EDEM3: variants seen among roughly 807,000 people sequenced by gnomAD.
EDEM3 encodes the protein ER degradation-enhancing alpha-mannosidase-like protein 3.
In EDEM3, 60 loss-of-function variants were observed where a neutral mutation model predicts 110.2. The observed-to-expected ratio is 0.54, with a 90% CI of 0.44 to 0.67. The LOEUF is 0.67. EDEM3 is among the 30% of genes least tolerant of loss of function. EDEM3 has a pLI of 0.00. For synonymous variants in EDEM3, 352 were observed against 382.9 expected, an observed-to-expected ratio of 0.92 and a Z score of 0.94; for missense variants, 996 against 1,121.0, an observed-to-expected ratio of 0.89 and a Z score of 1.59.
chr1:184,699,283 A>G (rs1649488115), intron 19 of EDEM3, among the ~76,000 whole-genome samples: 1 of 151,854 alleles, frequency 6.6e-6, no homozygotes, highest in Admixed American at 6.6e-5. Flanking sequence ...CTATCATAGT[A>G]GAACTGTATT....
intron 19 of EDEM3, among the ~76,000 whole-genome samples, chr1:184,697,193 C>T (rs746295114): frequency 2.0e-5 from 3 of 151,674 alleles, no homozygotes; most frequent in African/African-American, 7.3e-5. Flanking sequence ...ATAAGACCCA[C>T]GTTGCTTAAA....
At position 184,737,073 on chromosome 1, in the gene EDEM3, C is replaced by T; in HGVS notation, c.306-9G>A. 1 of 1,554,548 alleles carries T rather than the reference C, an allele frequency of 6.4e-7. No homozygotes were observed. The highest frequency in any genetic ancestry group is 1.1e-5 in the South Asian group (1 of 89,016). On this transcript the variant is annotated splice_polypyrimidine_tract_variant and intron_variant, in intron 3 of 19. Transcript: ENST00000318130. ...TCAGTGTCAGAGAAAATCTAAGAAA[C>T]AAGCGTTAACAAGATATAAAACATT...
In EDEM3 at chr1:184,754,760, A is replaced by G; in HGVS notation, c.-114T>C. 1.4e-6 allele frequency: 2 copies of G among 1,386,802 alleles called. No homozygotes were observed. Among genetic ancestry groups the G allele is most frequent in the Non-Finnish European group, 1.9e-6 (2 of 1,073,602 alleles). The allele number at this position is 1,386,802 out of a possible 1,614,324, so 85.9% of individuals were successfully genotyped here. A position where few individuals can be genotyped will look rare whatever the true frequency, so the allele number is the denominator to read the frequency against. ...GCCGAGACGGGGCGGGATGCGGAGT[A>G]ACACGGACGGCCGCCGGCGCCAAAC... On this transcript the variant is annotated 5_prime_UTR_variant, in exon 1 of 20. Coordinates refer to ENST00000318130, the MANE Select transcript of EDEM3 (RefSeq NM_025191.4).
At chr1:184,745,832 T>C (rs551820340) in intron 2 of EDEM3, among the ~76,000 whole-genome samples, 1 of 152,318 alleles carries the variant, frequency 6.6e-6, no homozygotes, top group East Asian at 1.9e-4. Flanking sequence ...TAGTTTTTGC[T>C]TGTAACAGTT....
In EDEM3 at chr1:184,719,492, T is replaced by G; in HGVS notation, c.1028A>C (p.Asn343Thr). 1 of 1,614,022 alleles carries G rather than the reference T, an allele frequency of 6.2e-7. No homozygotes were observed. The highest frequency in any genetic ancestry group is 8.5e-7 in the Non-Finnish European group (1 of 1,179,984). The change falls in exon 10 of 20, where the codon AAT becomes ACT. Residue 343 changes from asparagine (N) to threonine (T), a missense_variant. By Grantham distance (65) the Asn-to-Thr change is moderately conservative (BLOSUM62 0). Transcript: ENST00000318130. ...LDVHIHKPML[N>T]ARTWMDALLA... is the part of the protein sequence containing the mutation. Reference sequence around the variant, plus strand: ...CAAAGCATCCATCCAAGTCCGAGCATTCAGCATTGGTTTGTGGATATGCAC... The same window carrying G: ...CAAAGCATCCATCCAAGTCCGAGCAGTCAGCATTGGTTTGTGGATATGCAC...
chr1:184,718,700 G>A (rs1203891021), intron 11 of EDEM3, among the ~76,000 whole-genome samples: 1 of 152,164 alleles, frequency 6.6e-6, no homozygotes, highest in Non-Finnish European at 1.5e-5. Flanking sequence ...CAATCAGCAT[G>A]AGGAAGAGAT....
chr1:184,749,421 C>A, intron 2 of EDEM3, 126 bp downstream of exon 2: 1 of 720,606 alleles, frequency 1.4e-6, no homozygotes, highest in Non-Finnish European at 2.3e-6. Context: ...CTATTTTTGC[C>A]CTGTTTTTTA....
At chr1:184,744,051 A>C (rs1255309974) in intron 2 of EDEM3, among the ~76,000 whole-genome samples, 3 of 151,648 alleles carry the variant, frequency 2.0e-5, no homozygotes, top group Non-Finnish European at 4.4e-5. Context: ...AGGCTATAAA[A>C]GGCATGAATC....
At chr1:184,749,249 T>C (rs1652615546) in intron 2 of EDEM3, among the ~76,000 whole-genome samples, 1 of 152,120 alleles carries the variant, frequency 6.6e-6, no homozygotes, top group Non-Finnish European at 1.5e-5. Context: ...AGAGATAACA[T>C]CTTCATGTAT....
chr1:184,711,698 G>T, intron 15 of EDEM3, 25 bp downstream of exon 15: 1 of 1,540,604 alleles, frequency 6.5e-7, no homozygotes, highest in Non-Finnish European at 8.7e-7. Flanking sequence ...TTTGATATTA[G>T]AAAATATAAA....
At position 184,726,271 on chromosome 1, in the gene EDEM3, C is replaced by T. The variant is rs1222304821; in HGVS notation, c.731G>A (p.Gly244Glu). 3 of 1,613,386 alleles carry T rather than the reference C, an allele frequency of 1.9e-6. No homozygotes were observed. Among genetic ancestry groups the T allele is most frequent in the Non-Finnish European group, 2.5e-6 (3 of 1,179,652 alleles). Residue 244 changes from glycine to glutamate, a missense_variant, in exon 7 of 20, where the codon GGA (glycine) becomes GAA (glutamate). Coordinates refer to ENST00000318130, the MANE Select transcript of EDEM3 (RefSeq NM_025191.4). ...AAAGCAAACCTCAAATATTGTTGCT[C>T]CTGTGAATCGACTTAAAGCAGCAAA... ...LEFAALSRFT[G>E]ATIFEEYARK...
At chr1:184,743,189 C>A (rs1045876788) in intron 2 of EDEM3, among the ~76,000 whole-genome samples, 6 of 152,140 alleles carry the variant, frequency 3.9e-5, no homozygotes, top group African/African-American at 1.4e-4. Flanking sequence ...TACAACCACA[C>A]CTTTTTCTTT....
At position 184,743,094 on chromosome 1, in the gene EDEM3, T is replaced by G. The variant is rs186416883; in HGVS notation, c.205-5383A>C. Reference sequence around the variant, plus strand: ...TAGATAATAAAAATATTAATAGCAATTGCAACCCAGAATAATCAAATAAGG... The same window carrying G: ...TAGATAATAAAAATATTAATAGCAAGTGCAACCCAGAATAATCAAATAAGG... On this transcript the variant is annotated intron_variant, in intron 2 of 19. Transcript: ENST00000318130. Among the ~76,000 whole-genome samples the G allele has an allele frequency of 8.5e-5, 13 of 152,286 alleles. No homozygotes were observed. In the East Asian group the frequency reaches 2.1e-3, roughly 25 times the overall value.
chr1:184,700,663 C>G (rs529500316), intron 19 of EDEM3, among the ~76,000 whole-genome samples: 1 of 152,064 alleles, frequency 6.6e-6, no homozygotes, highest in East Asian at 1.9e-4. Flanking sequence ...GCCAACACTT[C>G]TAACAAGTGT....
chr1:184,743,875 C>T (rs1235315317), intron 2 of EDEM3, among the ~76,000 whole-genome samples: 2 of 151,520 alleles, frequency 1.3e-5, no homozygotes, highest in African/African-American at 4.8e-5. Flanking sequence ...AATAACTAGA[C>T]AGCCACATTA....
At chr1:184,717,115 C>T (rs1201896287) in intron 12 of EDEM3, 103 bp from the exon 13 acceptor site, 1 of 889,914 alleles carries the variant, frequency 1.1e-6, no homozygotes. Context: ...GTGCCAGGCA[C>T]TGTATCAGGC....
intron 14 of EDEM3, 67 bp from the exon 15 acceptor site, chr1:184,711,944 T>TTTGA: frequency 4.0e-6 from 5 of 1,241,920 alleles, no homozygotes; most frequent in Middle Eastern, 4.7e-4. Context: ...TTTTTTTTTT[T>TTTGA]GAAATGGAGT....
chr1:184,714,263 T>A (rs1171056997), intron 13 of EDEM3, among the ~76,000 whole-genome samples: 1 of 152,210 alleles, frequency 6.6e-6, no homozygotes, highest in African/African-American at 2.4e-5. Context: ...TCAGATCATA[T>A]GATCTATTTT....
In EDEM3 at chr1:184,737,718, G is replaced by C. The variant is rs1651913049; in HGVS notation, c.205-7C>G. On this transcript the variant is annotated splice_region_variant and splice_polypyrimidine_tract_variant and intron_variant, in intron 2 of 19. Coordinates refer to ENST00000318130, the MANE Select transcript of EDEM3 (RefSeq NM_025191.4). ...CAGCAGGGTAAGCATGTTCCTGCAAGGAAAACTTTAGTAAGTTACTAAGGA... is the reference window on the plus strand; with the variant it reads ...CAGCAGGGTAAGCATGTTCCTGCAACGAAAACTTTAGTAAGTTACTAAGGA... The C allele has an allele frequency of 6.2e-7, 1 of 1,611,696 alleles. No homozygotes were observed. Among genetic ancestry groups the C allele is most frequent in the South Asian group, 1.1e-5 (1 of 90,822 alleles).
Sources: allele counts gnomAD v4.1 joint callset (sites outside exome capture counted in the v4.1 genomes callset), GRCh38; gene constraint gnomAD v4.1.1; transcripts MANE v1.5; gene names NCBI Gene and HGNC (gene_info 2026-07-23, HGNC 2026-07-21).